The following WDR59 variants were observed in gnomAD, a reference collection of about 807,000 sequenced individuals.
WDR59 encodes the protein WD repeat domain 59, also known as GATOR2 complex protein WDR59.
WDR59 carries 100 observed loss-of-function variants against 131.2 expected under a neutral mutation model. The observed-to-expected ratio is 0.76, with a 90% CI of 0.65 to 0.90. WDR59 has a LOEUF of 0.90. WDR59 is among the 40% of genes least tolerant of loss of function. The pLI is 0.00. For synonymous variants in WDR59, 601 were observed against 466.2 expected (o/e 1.29, Z -3.72); for missense variants, 1,203 against 1,262.2 (o/e 0.95, Z 0.71).
chr16:74,955,608 T>C (rs2033250452), intron 3 of WDR59, among the ~76,000 whole-genome samples: 3 of 152,136 alleles, frequency 2.0e-5, no homozygotes, highest in Admixed American at 1.3e-4. Flanking sequence ...GACTCTATTT[T>C]GGAAATAGCT....
intron 11 of WDR59, 116 bp downstream of exon 11, chr16:74,917,808 CAAAAA>C (rs34773155): frequency 8.9e-3 from 3,806 of 427,892 alleles, no homozygotes; most frequent in South Asian, 0.012. Flanking sequence ...GACGCACTCT[CAAAAA>C]AAAAAAAAAA....
intron 18 of WDR59, 147 bp downstream of exon 18, chr16:74,903,800 C>G: frequency 9.3e-7 from 1 of 1,078,244 alleles, no homozygotes; most frequent in South Asian, 1.7e-5. Flanking sequence ...CTGAAAGGAA[C>G]AAAGTAATGA....
rs569210433 is a variant in WDR59 at position 74,889,307 on chromosome 16, G to A, written c.2195+396C>T. On this transcript the variant is annotated intron_variant, in intron 21 of 25. Coordinates refer to ENST00000262144, the MANE Select transcript of WDR59 (RefSeq NM_030581.4). ...AATTGCCTAACAGGGTGAAAGCGTC[G>A]TGGTCTTTGGCAAACATGAACACCA... Among the ~76,000 whole-genome samples, 5 of 151,856 alleles carry A rather than the reference G, an allele frequency of 3.3e-5. 1 individual carries two copies. The East Asian group carries it at 5.8e-4, about 18-fold the overall frequency.
intron 1 of WDR59, among the ~76,000 whole-genome samples, chr16:74,979,323 A>G (rs375584781): frequency 1.3e-5 from 2 of 151,592 alleles, no homozygotes; most frequent in Non-Finnish European, 2.9e-5. Context: ...AAAATTAGCC[A>G]GGCATGGTGG....
At chr16:74,938,058 AAC>A in intron 8 of WDR59, 90 bp downstream of exon 8, 1 of 876,782 alleles carries the variant, frequency 1.1e-6, no homozygotes, top group Non-Finnish European at 1.7e-6. Context: ...ATACTGTGCT[AAC>A]ACACTGCAGC....
chr16:74,979,838 C>CTTTTTTTTTT (rs56943510), intron 1 of WDR59, among the ~76,000 whole-genome samples: 1 of 60,506 alleles, frequency 1.7e-5, no homozygotes, highest in Admixed American at 2.7e-4. Context: ...CACACCCGGC[C>CTTTTTTTTTT]TTTTTTTTTT....
chr16:74,969,268 T>A (rs187628098), intron 1 of WDR59, among the ~76,000 whole-genome samples: 58 of 152,268 alleles, frequency 3.8e-4, no homozygotes, highest in Admixed American at 2.3e-3. Flanking sequence ...ATATATATAT[T>A]ATACATATTT....
At chr16:74,950,264 T>C (rs571620118) in intron 4 of WDR59, among the ~76,000 whole-genome samples, 1 of 152,106 alleles carries the variant, frequency 6.6e-6, no homozygotes, top group Non-Finnish European at 1.5e-5. Flanking sequence ...GAGGCAGATG[T>C]TGCAGTGAGC....
At chr16:74,879,706 GA>G (rs542321127) in intron 25 of WDR59, among the ~76,000 whole-genome samples, 1 of 150,172 alleles carries the variant, frequency 6.7e-6, no homozygotes. Context: ...ACCTTCAGGA[GA>G]AAAAAAAACC....
At chr16:74,939,951 C>T (rs902836593) in intron 7 of WDR59, among the ~76,000 whole-genome samples, 1 of 152,192 alleles carries the variant, frequency 6.6e-6, no homozygotes, top group Non-Finnish European at 1.5e-5. Flanking sequence ...TGCAACTGCA[C>T]TCCAACCTGG....
At chr16:74,949,917 A>C (rs549667231) in intron 4 of WDR59, 119 bp from the exon 5 acceptor site, 2 of 911,802 alleles carry the variant, frequency 2.2e-6, no homozygotes, top group Non-Finnish European at 3.5e-6. Context: ...GGGCTTCTTA[A>C]TGTGGTTTAG....
rs200598829 is a variant in WDR59 at position 74,888,250 on chromosome 16, C to A, written c.2265G>T (p.Gln755His). ...GGTTTGGTAGCCCCTGAGGCCGAGA[C>A]TGGGCTTCAAACACGCTACAGAGCA... ...LAMLCSVFEA[Q>H]SRPQGLPNPF... is the part of the protein sequence containing the mutation. Residue 755 changes from glutamine to histidine, a missense_variant, in exon 22 of 26, where the codon CAG becomes CAT. Coordinates refer to ENST00000262144, the MANE Select transcript of WDR59 (RefSeq NM_030581.4). 3 of 1,614,092 alleles carry A rather than the reference C, an allele frequency of 1.9e-6. No homozygotes were observed. The highest frequency in any genetic ancestry group is 2.2e-5 in the East Asian group (1 of 44,884).
rs372782921 is a variant in WDR59, at chr16:74,948,455, C to T, written c.445+64G>A. Reference sequence around the variant, plus strand: ...AGGAATAGGAAGGAACGGGAAAGAACTGGAAGGAAGAAAATGAAGACAAAC... The same window carrying T: ...AGGAATAGGAAGGAACGGGAAAGAATTGGAAGGAAGAAAATGAAGACAAAC... On this transcript the variant is annotated intron_variant, in intron 6 of 25. Coordinates refer to ENST00000262144, the MANE Select transcript of WDR59 (RefSeq NM_030581.4). 4,606 of 1,448,322 alleles carry T rather than the reference C, an allele frequency of 3.2e-3. 8 individuals carry two copies. Among genetic ancestry groups the T allele is most frequent in the Non-Finnish European group, 4.0e-3 (4,099 of 1,029,976 alleles). 89.7% of individuals were successfully genotyped at this position (1,448,322 alleles called of 1,614,324 possible).
At chr16:74,899,191 A>T (rs1177002540) in intron 18 of WDR59, among the ~76,000 whole-genome samples, 2 of 152,176 alleles carry the variant, frequency 1.3e-5, no homozygotes, top group Non-Finnish European at 2.9e-5. Context: ...TAAGGAAAAA[A>T]ATTTGTTTCA....
chr16:74,899,957 C>T (rs2144866900), intron 18 of WDR59, among the ~76,000 whole-genome samples: 1 of 152,272 alleles, frequency 6.6e-6, no homozygotes, highest in East Asian at 1.9e-4. Context: ...CTCCCTCCCA[C>T]CCCATCACAC....
chr16:74,958,244 G>A (rs1049170785), intron 2 of WDR59, among the ~76,000 whole-genome samples: 1 of 151,992 alleles, frequency 6.6e-6, no homozygotes, highest in Admixed American at 6.6e-5. Context: ...CAAAGACAAA[G>A]AAAATGAGAC....
At position 74,964,296 on chromosome 16, in the gene WDR59, T is replaced by C. The variant is rs534028965; in HGVS notation, c.104+1477A>G. ...CGGGAGGCTGAGGCAGGAGAATCAC[T>C]TGAAACCGGAAGGCGGAGGTTGCAG... On this transcript the variant is annotated intron_variant, in intron 2 of 25. Transcript: ENST00000262144. Among the ~76,000 whole-genome samples the C allele has an allele frequency of 3.3e-5, 5 of 150,838 alleles. No homozygotes were observed. The East Asian group carries it at 7.9e-4, about 24-fold the overall frequency.
rs540566579 is a variant in WDR59, at chr16:74,932,630, T to C, written c.651+5520A>G. On this transcript the variant is annotated intron_variant, in intron 8 of 25. Transcript: ENST00000262144. ...CAGCCTTATGGGTGGCTGAGACTAC[T>C]GGTATGCACCATCACACCAAGGTAA... Among the ~76,000 whole-genome samples, 429 of 152,198 alleles carry C rather than the reference T, an allele frequency of 2.8e-3. 2 individuals carry two copies. Among genetic ancestry groups the C allele is most frequent in the Non-Finnish European group, 4.9e-3 (333 of 67,992 alleles).
In WDR59 at chr16:74,874,217, T is replaced by C; in HGVS notation, c.2917A>G (p.Thr973Ala). The change falls in exon 26 of 26, where the codon ACT (threonine) becomes GCT (alanine). Residue 973 changes from threonine to alanine, a missense_variant. By Grantham distance (58) the Thr-to-Ala change is moderately conservative. Coordinates refer to ENST00000262144, the MANE Select transcript of WDR59 (RefSeq NM_030581.4). ...ACCCAACTTCTGTAGGTTCAGAAAG[T>C]GCTTTCAAGCAGGCAGTGGCACCCA... ...GCGCHCLLES[T>A]F The C allele has an allele frequency of 6.2e-7, 1 of 1,613,642 alleles. No individual in the cohort carries two copies. Among genetic ancestry groups the C allele is most frequent in the Non-Finnish European group, 8.5e-7 (1 of 1,179,756 alleles).
Sources: allele counts gnomAD v4.1 joint callset (sites outside exome capture counted in the v4.1 genomes callset), GRCh38; gene constraint gnomAD v4.1.1; transcripts MANE v1.5; gene names NCBI Gene and HGNC (gene_info 2026-07-23, HGNC 2026-07-21).